The following GRIP1 variants were observed in gnomAD, a reference collection of about 807,000 sequenced individuals.
GRIP1 encodes glutamate receptor interacting protein 1, also known as glutamate receptor-interacting protein 1.
Under a neutral mutation model 129.9 loss-of-function variants are expected in GRIP1, and 45 were observed. That is an observed-to-expected ratio of 0.35 (90% confidence interval 0.27 to 0.44). The LOEUF (loss-of-function observed/expected upper bound fraction) is 0.44. GRIP1 is among the 20% of genes least tolerant of loss of function. The pLI is 1.00. For missense variants in GRIP1, 1,196 were observed against 1,396.8 expected (o/e 0.86, Z 2.29); for synonymous variants, 530 against 520.8 (o/e 1.02, Z -0.24).
chr12:66,404,691 G>A lies in GRIP1; in HGVS notation c.1984+1592C>T, dbSNP rs537094387. On this transcript the variant is annotated intron_variant, in intron 16 of 24. Transcript: ENST00000359742. ...TGAAATATGAATGTAGTTGTTCTAT[G>A]AAAACAAAATCCAATGGTTTGGAAA... Among the ~76,000 whole-genome samples, 20 of 152,166 alleles carry A rather than the reference G, an allele frequency of 1.3e-4. No homozygotes were observed. The South Asian group carries it at 3.5e-3, about 27-fold the overall frequency.
intron 1 of GRIP1, among the ~76,000 whole-genome samples, chr12:66,775,305 C>A (rs916858914): frequency 2.0e-5 from 3 of 152,168 alleles, no homozygotes; most frequent in Admixed American, 2.0e-4. Flanking sequence ...TTAAAGTTGA[C>A]AGTGTCTGTT....
At chr12:66,354,854 G>T (rs529533947) in intron 23 of GRIP1, among the ~76,000 whole-genome samples, 2 of 152,282 alleles carry the variant, frequency 1.3e-5, no homozygotes, top group South Asian at 4.1e-4. Context: ...TTACTGGACA[G>T]ACAGCTAAAA....
At chr12:66,904,077 G>T (rs1378849240) in intron 1 of GRIP1, among the ~76,000 whole-genome samples, 1 of 152,206 alleles carries the variant, frequency 6.6e-6, no homozygotes, top group African/African-American at 2.4e-5. Context: ...GCAACTTTAT[G>T]TCTGCCTTTT....
chr12:66,395,388 A>G (rs1475365988), intron 16 of GRIP1, among the ~76,000 whole-genome samples: 1 of 152,264 alleles, frequency 6.6e-6, no homozygotes, highest in Non-Finnish European at 1.5e-5. Context: ...CAGCTTTTAC[A>G]GTCAGACTAC....
At chr12:66,529,549 T>A (rs992609336) in intron 5 of GRIP1, among the ~76,000 whole-genome samples, 6 of 152,046 alleles carry the variant, frequency 3.9e-5, no homozygotes, top group African/African-American at 1.2e-4. Flanking sequence ...GAAAATCAAA[T>A]ATCGTATGTT....
chr12:66,368,438 C>A lies in GRIP1; in HGVS notation c.3012+3256G>T, dbSNP rs549368833. Among the ~76,000 whole-genome samples, 7 of 152,250 alleles carry A rather than the reference C, an allele frequency of 4.6e-5. No homozygotes were observed. The East Asian group carries it at 1.2e-3, about 25-fold the overall frequency. Reference sequence around the variant, plus strand: ...CAGAAAGATAGCACCAGGAAAATAACGCCAAGCATGTTTAGCCCGGTGTGC... The same window carrying A: ...CAGAAAGATAGCACCAGGAAAATAAAGCCAAGCATGTTTAGCCCGGTGTGC... On this transcript the variant is annotated intron_variant, in intron 23 of 24. Coordinates refer to ENST00000359742, the MANE Select transcript of GRIP1 (RefSeq NM_001366722.1).
At chr12:66,960,620 G>C (rs1688657235) in intron 1 of GRIP1, among the ~76,000 whole-genome samples, 1 of 152,138 alleles carries the variant, frequency 6.6e-6, no homozygotes, top group African/African-American at 2.4e-5. Flanking sequence ...TAGGGAAGGA[G>C]TATAAAGCAA....
At chr12:66,888,628 GC>G in intron 1 of GRIP1, among the ~76,000 whole-genome samples, 1 of 152,156 alleles carries the variant, frequency 6.6e-6, no homozygotes, top group African/African-American at 2.4e-5. Context: ...CTCCAAAAGT[GC>G]TGGAATTACA....
intron 1 of GRIP1, among the ~76,000 whole-genome samples, chr12:66,895,331 TC>T (rs2040728586): frequency 6.6e-6 from 1 of 152,160 alleles, no homozygotes; most frequent in African/African-American, 2.4e-5. Flanking sequence ...AAAGGGCAGT[TC>T]CCCTACACAC....
At chr12:66,373,140 G>T (rs2055607536) in intron 22 of GRIP1, among the ~76,000 whole-genome samples, 2 of 151,752 alleles carry the variant, frequency 1.3e-5, no homozygotes, top group Admixed American at 6.6e-5. Context: ...CCCAGGCTGG[G>T]GTGCAGTGGT....
At chr12:66,377,888 A>C (rs1194915867) in intron 20 of GRIP1, among the ~76,000 whole-genome samples, 1 of 152,026 alleles carries the variant, frequency 6.6e-6, no homozygotes, top group Non-Finnish European at 1.5e-5. Context: ...TTGGAATGGG[A>C]TGGAACGTCG....
At chr12:66,600,670 T>C (rs749519167) in intron 1 of GRIP1, among the ~76,000 whole-genome samples, 23 of 152,340 alleles carry the variant, frequency 1.5e-4, no homozygotes, top group Non-Finnish European at 2.8e-4. Context: ...TCTACATATA[T>C]TTCCTTCCAT....
chr12:66,414,100 C>T (rs2057497830), intron 15 of GRIP1, among the ~76,000 whole-genome samples: 1 of 151,906 alleles, frequency 6.6e-6, no homozygotes, highest in African/African-American at 2.4e-5. Context: ...CTGACCAGGG[C>T]AATCAGGCAA....
At chr12:66,359,744 C>T (rs779648116) in intron 23 of GRIP1, among the ~76,000 whole-genome samples, 21 of 152,046 alleles carry the variant, frequency 1.4e-4, no homozygotes, top group Non-Finnish European at 2.2e-4. Flanking sequence ...GGCAAATTAA[C>T]AAAAATAAAA....
intron 1 of GRIP1, among the ~76,000 whole-genome samples, chr12:66,654,823 AG>A (rs2136161665): frequency 6.6e-6 from 1 of 152,320 alleles, no homozygotes; most frequent in African/African-American, 2.4e-5. Flanking sequence ...AGATTGGGTT[AG>A]CCACTGGGGA....
At chr12:66,901,935 CA>C (rs903813621) in intron 1 of GRIP1, among the ~76,000 whole-genome samples, 50 of 152,290 alleles carry the variant, frequency 3.3e-4, no homozygotes, top group African/African-American at 1.1e-3. Context: ...CATTCAGCAA[CA>C]AAAAACTTTA....
intron 2 of GRIP1, among the ~76,000 whole-genome samples, chr12:66,547,635 T>C (rs900323236): frequency 2.0e-5 from 3 of 152,200 alleles, no homozygotes; most frequent in South Asian, 2.1e-4. Context: ...CCCAGATCAA[T>C]TACCAGAGAA....
At chr12:66,581,620 C>G (rs1381021428) in intron 2 of GRIP1, among the ~76,000 whole-genome samples, 1 of 151,290 alleles carries the variant, frequency 6.6e-6, no homozygotes, top group Non-Finnish European at 1.5e-5. Context: ...GAGAATACTA[C>G]AAACACCTCT....
Position 66,778,902 on chromosome 12 carries a change from C to T in GRIP1, c.-420+25151G>A, listed in dbSNP as rs111536081. Among the ~76,000 whole-genome samples, 689 of 152,176 alleles carry T rather than the reference C, an allele frequency of 4.5e-3. 7 individuals are homozygous for T. Among genetic ancestry groups the T allele is most frequent in the African/African-American group, 0.016 (666 of 41,510 alleles). On this transcript the variant is annotated intron_variant, in intron 1 of 4. Coordinates refer to the GRIP1 transcript ENST00000538373. ...CCAGATGTGACAGGTGATCAAGATA[C>T]GAAGGAGAAGTCTGAACTGACCTCA... is the stretch of plus-strand genomic sequence containing the variant.
Sources: gnomAD v4.1 joint callset for allele counts (sites outside exome capture counted in the v4.1 genomes callset) on GRCh38, gnomAD v4.1.1 for gene constraint, MANE v1.5 for transcripts, NCBI Gene and HGNC (gene_info 2026-07-23, HGNC 2026-07-21) for gene names.